The following HK1 variants were observed in gnomAD, a reference collection of about 807,000 sequenced individuals.
The protein encoded by HK1 is hexokinase-1.
HK1 carries 28 observed loss-of-function variants against 91.6 expected under a neutral mutation model. That is an observed-to-expected ratio of 0.31 (90% CI 0.23 to 0.42). The LOEUF is 0.42. HK1 is among the 10% of genes least tolerant of loss of function. The pLI, the probability that HK1 is intolerant of heterozygous loss-of-function variation, is 1.00. For missense variants in HK1, 770 were observed against 1,219.8 expected (o/e 0.63, Z 5.49); for synonymous variants, 430 against 468.1 (o/e 0.92, Z 1.05).
rs921463532 is a variant in HK1 at position 69,401,100 on chromosome 10, G to A, written c.2719G>A (p.Val907Met). ...CAAGGGGGCCGCCCTCATCACGGCC[G>A]TGGGCGTGCGGTTACGCACAGAGGC... ...SGKGAALITA[V>M]GVRLRTEASS is the part of the protein sequence containing the mutation. The change falls in exon 18 of 18, where the codon GTG becomes ATG. Residue 907 changes from valine (V) to methionine (M), a missense_variant. Val to Met is a conservative substitution (Grantham distance 21). Coordinates refer to ENST00000359426, the MANE Select transcript of HK1 (RefSeq NM_000188.3). 2.6e-5 allele frequency: 42 copies of A among 1,613,978 alleles called. No homozygotes were observed. The highest frequency in any genetic ancestry group is 3.3e-5 in the Non-Finnish European group (39 of 1,180,030).
At chr10:69,382,026 AC>A (rs1224197724) in intron 9 of HK1, among the ~76,000 whole-genome samples, 1 of 151,952 alleles carries the variant, frequency 6.6e-6, no homozygotes, top group African/African-American at 2.4e-5. Flanking sequence ...TTTCCTTTTT[AC>A]CTCTCTGCAT....
In HK1 at chr10:69,398,678, A is replaced by G; in HGVS notation, c.2459A>G (p.Lys820Arg). 2 of 1,614,222 alleles carry G rather than the reference A, an allele frequency of 1.2e-6. No homozygotes were observed. Among genetic ancestry groups the G allele is most frequent in the Non-Finnish European group, 1.7e-6 (2 of 1,180,032 alleles). Residue 820 changes from lysine (K) to arginine (R), a missense_variant, in exon 17 of 18, where the codon AAG becomes AGG. Transcript: ENST00000359426. ...ACCTGCGATGACAGTATCCTCGTCAAGACAGTGTGCGGGGTGGTGTCCAGG... is the reference window on the plus strand; with the variant it reads ...ACCTGCGATGACAGTATCCTCGTCAGGACAGTGTGCGGGGTGGTGTCCAGG... ...NSTCDDSILV[K>R]TVCGVVSRRA...
intron 2 of HK1, among the ~76,000 whole-genome samples, chr10:69,358,329 C>T (rs1302771045): frequency 1.3e-5 from 2 of 152,204 alleles, no homozygotes; most frequent in Admixed American, 1.3e-4. Flanking sequence ...CCTTTGCTGT[C>T]CGATGGTCTC....
intron 14 of HK1, among the ~76,000 whole-genome samples, chr10:69,390,668 T>C (rs2132931756): frequency 6.6e-6 from 1 of 152,296 alleles, no homozygotes; most frequent in African/African-American, 2.4e-5. Flanking sequence ...AGGGGGTGTG[T>C]CTTGTGCCCT....
upstream of HK1, among the ~76,000 whole-genome samples, chr10:69,313,093 G>C (rs1360046241): frequency 6.6e-6 from 1 of 152,228 alleles, no homozygotes; most frequent in Non-Finnish European, 1.5e-5. Flanking sequence ...AGGCACTGAT[G>C]GAGTAAGATT....
At chr10:69,276,973 A>C (rs1462361858) in intron 1 of HK1, among the ~76,000 whole-genome samples, 1 of 152,084 alleles carries the variant, frequency 6.6e-6, no homozygotes, top group East Asian at 1.9e-4. Context: ...GAAATGGTCT[A>C]GAATTTTAGT....
chr10:69,395,344 G>A (rs762572194), intron 16 of HK1, among the ~76,000 whole-genome samples: 13 of 152,080 alleles, frequency 8.5e-5, no homozygotes, highest in Non-Finnish European at 1.5e-4. Flanking sequence ...TTGGGAGGCC[G>A]AGGCAGGCGG....
Position 69,300,808 on chromosome 10 carries a change from T to C in HK1, c.-27T>C, listed in dbSNP as rs764561693. On this transcript the variant is annotated 5_prime_UTR_variant, in exon 5 of 22. Coordinates refer to the HK1 transcript ENST00000360289. ...TTGAGAGCATCAGCCAGGACATTAA[T>C]GTGCACCACTGTGGTGGCGTGGAAA... 3.7e-6 allele frequency: 6 copies of C among 1,611,528 alleles called. No homozygotes were observed. In the South Asian group the frequency reaches 6.6e-5, roughly 18 times the overall value.
intron 1 of HK1, among the ~76,000 whole-genome samples, chr10:69,332,357 TTTTCTTTC>T (rs140249017): frequency 5.7e-5 from 8 of 140,734 alleles, no homozygotes; most frequent in African/African-American, 7.9e-5. Context: ...CTAGGCCTCA[TTTTCTTTC>T]TTTCTTTCTT....
At chr10:69,389,529 A>G in intron 14 of HK1, 1 of 551,546 alleles carries the variant, frequency 1.8e-6, no homozygotes, top group Non-Finnish European at 3.4e-6. Context: ...GCTTATGATC[A>G]GACTGTCAAG....
At chr10:69,355,316 T>G (rs1849075486) in intron 2 of HK1, among the ~76,000 whole-genome samples, 1 of 152,122 alleles carries the variant, frequency 6.6e-6, no homozygotes, top group South Asian at 2.1e-4. Context: ...TATTTTGTGT[T>G]GAAAATCAAA....
chr10:69,294,695 A>G (rs1269768195), intron 3 of HK1, among the ~76,000 whole-genome samples: 1 of 27,910 alleles, frequency 3.6e-5, no homozygotes, highest in Non-Finnish European at 1.3e-4. Flanking sequence ...ATCTCTACTA[A>G]AAATACAAAA....
chr10:69,281,545 A>AAGCC (rs1844749401), intron 1 of HK1, among the ~76,000 whole-genome samples: 1 of 152,182 alleles, frequency 6.6e-6, no homozygotes, highest in Non-Finnish European at 1.5e-5. Flanking sequence ...TTTCTATAGG[A>AAGCC]AGCCGTTCAT....
Position 69,368,587 on chromosome 10 carries a change from G to A in HK1, c.547G>A (p.Ala183Thr). 2.5e-6 allele frequency: 4 copies of A among 1,614,240 alleles called. No individual in the cohort carries two copies. The highest frequency in any genetic ancestry group is 3.4e-6 in the Non-Finnish European group (4 of 1,180,022). Residue 183 changes from alanine to threonine, a missense_variant, in exon 5 of 18, where the codon GCA (alanine) becomes ACA (threonine). Ala to Thr is a moderately conservative substitution (Grantham distance 58). Coordinates refer to ENST00000359426, the MANE Select transcript of HK1 (RefSeq NM_000188.3). ...KRFKASGVEG[A>T]DVVKLLNKAI... ...ATTTAAAGCGAGCGGAGTGGAAGGAGCAGATGTGGTCAAACTGCTTAACAA... is the reference window on the plus strand; with the variant it reads ...ATTTAAAGCGAGCGGAGTGGAAGGAACAGATGTGGTCAAACTGCTTAACAA...
chr10:69,313,667 T>C (rs894123269), upstream of HK1, among the ~76,000 whole-genome samples: 2 of 151,974 alleles, frequency 1.3e-5, no homozygotes, highest in Admixed American at 1.3e-4. Flanking sequence ...CTGGCTAATT[T>C]TGTATTTTTA....
chr10:69,272,479 CT>C (rs1844217342), intron 1 of HK1, among the ~76,000 whole-genome samples: 1 of 152,144 alleles, frequency 6.6e-6, no homozygotes, highest in Non-Finnish European at 1.5e-5. Flanking sequence ...ATTCACGCAA[CT>C]TTTGTTTGTC....
In HK1 at chr10:69,384,779, T is replaced by C; in HGVS notation, c.1720-17T>C. On this transcript the variant is annotated splice_polypyrimidine_tract_variant and intron_variant, in intron 11 of 17. Coordinates refer to ENST00000359426, the MANE Select transcript of HK1 (RefSeq NM_000188.3). ...AAACCACAGAGAGCACGGGCGATCC[T>C]TTCTTTTCCCCTGCAGCTGTTTGAT... The C allele has an allele frequency of 1.2e-6, 2 of 1,614,188 alleles. No homozygotes were observed. Among genetic ancestry groups the C allele is most frequent in the Non-Finnish European group, 1.7e-6 (2 of 1,180,004 alleles).
chr10:69,313,948 T>C (rs1021344723), upstream of HK1, among the ~76,000 whole-genome samples: 4 of 152,170 alleles, frequency 2.6e-5, no homozygotes, highest in Admixed American at 6.5e-5. Flanking sequence ...GTCAGGACTT[T>C]GGGCAAATGA....
At chr10:69,337,306 C>T (rs545667245) in intron 1 of HK1, among the ~76,000 whole-genome samples, 3 of 152,292 alleles carry the variant, frequency 2.0e-5, no homozygotes, top group East Asian at 1.9e-4. Context: ...AACTCCCCAA[C>T]TTAGCTTGAA....
Sources: allele counts gnomAD v4.1 joint callset (sites outside exome capture counted in the v4.1 genomes callset), GRCh38; gene constraint gnomAD v4.1.1; transcripts MANE v1.5; gene names NCBI Gene and HGNC (gene_info 2026-07-23, HGNC 2026-07-21).